SEC22C: variants seen among roughly 807,000 people sequenced by gnomAD.
The protein encoded by SEC22C is vesicle-trafficking protein SEC22c.
A neutral mutation model predicts 34.7 loss-of-function variants in SEC22C; 29 were observed. The observed-to-expected ratio is 0.84, with a 90% CI of 0.62 to 1.14. The LOEUF (loss-of-function observed/expected upper bound fraction) is 1.14. Ranked by LOEUF, SEC22C falls within the 50% of genes most tolerant of loss-of-function variation. The probability of loss-of-function intolerance (pLI) is 0.00; values close to 1 mark genes in which losing one functional copy is unlikely to be tolerated. For missense variants in SEC22C, 337 were observed against 369.0 expected (o/e 0.91, Z 0.71); for synonymous variants, 117 against 132.8 (o/e 0.88, Z 0.82).
chr3:42,560,368 T>C (rs1702826388), intron 4 of SEC22C, among the ~76,000 whole-genome samples: 1 of 150,736 alleles, frequency 6.6e-6, no homozygotes, highest in African/African-American at 2.4e-5. Context: ...GACTTCACCC[T>C]AATTAAGAAA....
chr3:42,555,438 C>T (rs973490322), intron 6 of SEC22C, among the ~76,000 whole-genome samples: 15 of 152,186 alleles, frequency 9.9e-5, no homozygotes, highest in African/African-American at 3.6e-4. Context: ...GATCCTCCCA[C>T]CTTGGCCTTG....
rs1316891418 is a variant in SEC22C, at chr3:42,548,255, C to T, written c.*4993G>A. ...ATTTTATGCTTTTAGTAGAAAAGCC[C>T]ATTAAACAAAATAGAATCCTGGGGG... On this transcript the variant is annotated 3_prime_UTR_variant, in exon 7 of 7. Transcript: ENST00000264454. The T allele has an allele frequency of 9.1e-6, 2 of 218,824 alleles. No individual in the cohort carries two copies. The highest frequency in any genetic ancestry group is 1.5e-4 in the South Asian group (1 of 6,646). The allele number at this position is 218,824 out of a possible 1,614,324, so 13.6% of individuals were successfully genotyped here. A position where few individuals can be genotyped will look rare whatever the true frequency, so the allele number is the denominator to read the frequency against.
intron 2 of SEC22C, among the ~76,000 whole-genome samples, chr3:42,565,420 G>A (rs760598246): frequency 3.3e-5 from 5 of 152,152 alleles, no homozygotes; most frequent in Non-Finnish European, 5.9e-5. Flanking sequence ...GCCACTCTAG[G>A]ATGGAGGTGT....
chr3:42,556,229 C>T (rs955243605), intron 5 of SEC22C, among the ~76,000 whole-genome samples: 1 of 152,186 alleles, frequency 6.6e-6, no homozygotes, highest in African/African-American at 2.4e-5. Flanking sequence ...AAGTCTGCAA[C>T]CTGGAATGGG....
chr3:42,560,135 T>TAA (rs2125702360), intron 4 of SEC22C, among the ~76,000 whole-genome samples: 2 of 143,410 alleles, frequency 1.4e-5, no homozygotes, highest in East Asian at 3.9e-4. Flanking sequence ...TATATATATA[T>TAA]ATAAATAATA....
chr3:42,563,081 A>G (rs1266285836), intron 3 of SEC22C, among the ~76,000 whole-genome samples: 1 of 152,258 alleles, frequency 6.6e-6, no homozygotes, highest in Admixed American at 6.5e-5. Context: ...TTACAATGCC[A>G]GTTAGTAAAT....
chr3:42,556,959 G>A (rs1419288247), intron 5 of SEC22C, among the ~76,000 whole-genome samples: 3 of 152,170 alleles, frequency 2.0e-5, no homozygotes, highest in African/African-American at 7.2e-5. Flanking sequence ...CTGACCTCAT[G>A]TGATCCACCC....
At chr3:42,600,774 G>A (rs762343902) in intron 1 of SEC22C, 3 of 369,762 alleles carry the variant, frequency 8.1e-6, no homozygotes, top group East Asian at 8.4e-5. Context: ...CTGGAGGCCA[G>A]CCAGGTGAAG....
rs1702281751 is a variant in SEC22C, at chr3:42,552,064, A to T, written c.*1184T>A. On this transcript the variant is annotated 3_prime_UTR_variant, in exon 7 of 7. Transcript: ENST00000264454. Reference sequence around the variant, plus strand: ...AACAAGCCAGGCTGAAATTTCGGGAAACCTAAGGGATCTTATCCAGAACCA... The same window carrying T: ...AACAAGCCAGGCTGAAATTTCGGGATACCTAAGGGATCTTATCCAGAACCA... 1 of 985,464 alleles carries T rather than the reference A, an allele frequency of 1.0e-6. No homozygotes were observed. Among genetic ancestry groups the T allele is most frequent in the South Asian group, 4.7e-5 (1 of 21,284 alleles). 61.0% of individuals were successfully genotyped at this position (985,464 alleles called of 1,614,324 possible). A position where few individuals can be genotyped will look rare whatever the true frequency, so the allele number is the denominator to read the frequency against.
In SEC22C at chr3:42,561,221, AT is replaced by A; in HGVS notation, c.421del (p.Ile141PhefsTer24). On this transcript the variant is annotated frameshift_variant, in exon 4 of 7. Transcript: ENST00000264454. LOFTEE classifies it high-confidence loss of function. ...SSQMECSLEKIQEELKLQPPA... is the reference protein window; with the variant it reads ...SSQMECSLEKXQEELKLQPPA... ...AGGCTGCAACTTGAGCTCCTCCTGA[AT>A]TTTTTCCAAGCTGCACTCCATCTGA... 2 of 1,614,086 alleles carry A rather than the reference AT, an allele frequency of 1.2e-6. No individual in the cohort carries two copies. The highest frequency in any genetic ancestry group is 1.7e-6 in the Non-Finnish European group (2 of 1,180,018).
At chr3:42,565,386 A>G (rs1703173723) in intron 2 of SEC22C, among the ~76,000 whole-genome samples, 1 of 152,178 alleles carries the variant, frequency 6.6e-6, no homozygotes, top group South Asian at 2.1e-4. Flanking sequence ...CTCCTTATGG[A>G]AGAAATCCTT....
In SEC22C at chr3:42,563,699, G is replaced by A; in HGVS notation, c.183-13C>T. 6.2e-7 allele frequency: 1 copy of A among 1,613,422 alleles called. No homozygotes were observed. Among genetic ancestry groups the A allele is most frequent in the Non-Finnish European group, 8.5e-7 (1 of 1,179,668 alleles). Reference sequence around the variant, plus strand: ...GAAAGAAGAAAAACTGAAACAAAAGGGCAATATCTGTATTACCAGGAAACA... The same window carrying A: ...GAAAGAAGAAAAACTGAAACAAAAGAGCAATATCTGTATTACCAGGAAACA... On this transcript the variant is annotated splice_polypyrimidine_tract_variant and intron_variant, in intron 2 of 6. Transcript: ENST00000264454.
intron 3 of SEC22C, among the ~76,000 whole-genome samples, chr3:42,561,602 T>A (rs929885211): frequency 1.3e-5 from 2 of 152,182 alleles, no homozygotes; most frequent in Non-Finnish European, 1.5e-5. Flanking sequence ...TTGCCCAGGC[T>A]GGTCTCAAAC....
intron 1 of SEC22C, among the ~76,000 whole-genome samples, chr3:42,597,051 T>A (rs1358025407): frequency 6.6e-6 from 1 of 152,184 alleles, no homozygotes; most frequent in Non-Finnish European, 1.5e-5. Context: ...AACTATTTCA[T>A]CTCCAGAAAG....
intron 1 of SEC22C, among the ~76,000 whole-genome samples, chr3:42,576,225 T>A (rs1008532614): frequency 6.6e-6 from 1 of 152,124 alleles, no homozygotes; most frequent in Admixed American, 6.5e-5. Flanking sequence ...GGGAAATCCA[T>A]AGCACTAAAT....
At chr3:42,585,972 C>T (rs1704598093), upstream of SEC22C, among the ~76,000 whole-genome samples, 1 of 152,142 alleles carries the variant, frequency 6.6e-6, no homozygotes, top group Non-Finnish European at 1.5e-5. Context: ...TCCCAGGAAC[C>T]TCCGTTACTG....
intron 4 of SEC22C, 139 bp downstream of exon 4, chr3:42,560,978 A>C: frequency 5.7e-5 from 43 of 759,858 alleles, no homozygotes; most frequent in Non-Finnish European, 7.7e-5. Context: ...AAGAAACAGG[A>C]TGGGCCCATA....
chr3:42,566,967 G>A (rs1357021715), intron 2 of SEC22C: 2 of 186,878 alleles, frequency 1.1e-5, no homozygotes, highest in Admixed American at 5.3e-5. Flanking sequence ...TACTTTGGAG[G>A]CTGAGGTGTG....
chr3:42,548,238 C>A lies in SEC22C; in HGVS notation c.*5010G>T. ...ACTAAATCAGCCTCAGTATTTTATG[C>A]TTTTAGTAGAAAAGCCCATTAAACA... On this transcript the variant is annotated 3_prime_UTR_variant, in exon 7 of 7. Transcript: ENST00000264454. 1 of 196,328 alleles carries A rather than the reference C, an allele frequency of 5.1e-6. No individual in the cohort carries two copies. Among genetic ancestry groups the A allele is most frequent in the Non-Finnish European group, 1.0e-5 (1 of 96,562 alleles). The allele number at this position is 196,328 out of a possible 1,614,324, so 12.2% of individuals were successfully genotyped here.
Sources: allele counts gnomAD v4.1 joint callset (sites outside exome capture counted in the v4.1 genomes callset), GRCh38; gene constraint gnomAD v4.1.1; transcripts MANE v1.5; gene names NCBI Gene and HGNC (gene_info 2026-07-23, HGNC 2026-07-21).